Variants in SV2C observed in about 807,000 individuals in gnomAD.
SV2C encodes solute carrier family 22 member B3.
Under a neutral mutation model 79.7 loss-of-function variants are expected in SV2C, and 49 were observed. The ratio of observed to expected loss-of-function variants is 0.61; its 90% CI spans 0.49 to 0.78. The LOEUF (loss-of-function observed/expected upper bound fraction) is 0.78, where lower values mean the gene tolerates loss of function less well. Among genes scored for constraint, SV2C ranks in the 30% least tolerant of loss-of-function variants. The probability of loss-of-function intolerance (pLI) is 0.00; values close to 1 mark genes in which losing one functional copy is unlikely to be tolerated. For missense variants in SV2C, 833 were observed against 912.9 expected (o/e 0.91, Z 1.13); for synonymous variants, 334 against 333.2 (o/e 1.00, Z -0.03).
At chr5:76,042,142 G>T in the SV2C span, among the ~76,000 whole-genome samples, 1 of 152,166 alleles carries the variant, frequency 6.6e-6, no homozygotes, top group South Asian at 2.1e-4. Flanking sequence ...CTACAAGTCA[G>T]TCCCTTGGGT....
chr5:75,920,626 T>C, the SV2C span: 1 of 598,838 alleles, frequency 1.7e-6, no homozygotes, highest in South Asian at 1.9e-5. Context: ...CAGCACTGCA[T>C]AGGGAGTGGG....
the SV2C span, among the ~76,000 whole-genome samples, chr5:76,003,617 A>G: frequency 6.6e-6 from 1 of 152,160 alleles, no homozygotes; most frequent in African/African-American, 2.4e-5. Flanking sequence ...CACCCAAAAC[A>G]CTTTAGGGCT....
At chr5:75,885,596 A>G in the SV2C span, among the ~76,000 whole-genome samples, 1 of 152,228 alleles carries the variant, frequency 6.6e-6, no homozygotes, top group South Asian at 2.1e-4. Context: ...TTTTTAAAAA[A>G]AGTATTCACA....
the SV2C span, among the ~76,000 whole-genome samples, chr5:76,033,998 T>C: frequency 6.6e-6 from 1 of 152,124 alleles, no homozygotes; most frequent in Non-Finnish European, 1.5e-5. Context: ...GTATCTTATT[T>C]TCTTTGAAGC....
At position 76,287,178 on chromosome 5, in the gene SV2C, T is replaced by C. The variant is rs149992020; in HGVS notation, c.1137+1308T>C. Among the ~76,000 whole-genome samples, 635 of 152,332 alleles carry C rather than the reference T, an allele frequency of 4.2e-3. 8 individuals are homozygous for C. Among genetic ancestry groups the C allele is most frequent in the African/African-American group, 0.011 (467 of 41,568 alleles). ...TTCATAGGCCTTATTATAAGGGATA[T>C]TGAACAATATAATGGACATTATTTT... On this transcript the variant is annotated intron_variant, in intron 6 of 12. Coordinates refer to ENST00000502798, the MANE Select transcript of SV2C (RefSeq NM_014979.4).
chr5:75,871,826 TATATATATACACACACACACACAC>T, the SV2C span, among the ~76,000 whole-genome samples: 627 of 138,016 alleles, frequency 4.5e-3, 3 homozygotes, highest in Middle Eastern at 7.2e-3. Context: ...AATATATATA[TATATATATACACACACACACACAC>T]ACACACACGT....
intron 1 of SV2C, among the ~76,000 whole-genome samples, chr5:76,111,066 T>A (rs572194080): frequency 6.6e-6 from 1 of 152,330 alleles, no homozygotes; most frequent in Middle Eastern, 3.4e-3. Flanking sequence ...AAATGTGCAA[T>A]GCAGATGATG....
chr5:75,976,577 A>G, the SV2C span, among the ~76,000 whole-genome samples: 2 of 152,130 alleles, frequency 1.3e-5, no homozygotes, highest in African/African-American at 4.8e-5. Context: ...GAGAGCTTGT[A>G]CAATGAAAAG....
the SV2C span, among the ~76,000 whole-genome samples, chr5:75,917,317 ATTT>A: frequency 6.6e-6 from 1 of 152,316 alleles, no homozygotes; most frequent in South Asian, 2.1e-4. Flanking sequence ...CATGTGTAGC[ATTT>A]TTACCTTCTC....
chr5:76,283,780 T>A (rs749559763), intron 4 of SV2C, among the ~76,000 whole-genome samples: 29 of 152,214 alleles, frequency 1.9e-4, no homozygotes, highest in Non-Finnish European at 2.9e-4. Flanking sequence ...GTCAACAAAT[T>A]CAGCATTTAA....
At chr5:75,897,632 A>G in the SV2C span, among the ~76,000 whole-genome samples, 198 of 150,094 alleles carry the variant, frequency 1.3e-3, no homozygotes, top group African/African-American at 4.7e-3. Context: ...GATGGAGATG[A>G]CATTGAATCT....
At chr5:75,943,725 A>G in the SV2C span, among the ~76,000 whole-genome samples, 1 of 152,164 alleles carries the variant, frequency 6.6e-6, no homozygotes, top group Non-Finnish European at 1.5e-5. Flanking sequence ...AGTGAGGTCT[A>G]GACAGTCTTT....
chr5:76,046,832 C>T, the SV2C span, among the ~76,000 whole-genome samples: 1 of 152,236 alleles, frequency 6.6e-6, no homozygotes, highest in Non-Finnish European at 1.5e-5. Flanking sequence ...GGGGAGGTCG[C>T]AGTATGACTG....
chr5:76,295,592 C>T (rs1031578867), intron 8 of SV2C, among the ~76,000 whole-genome samples, 186 bp from the exon 9 acceptor site: 1 of 152,184 alleles, frequency 6.6e-6, no homozygotes, highest in Non-Finnish European at 1.5e-5. Flanking sequence ...ATCTCTCAAG[C>T]TTGATTTTTG....
At chr5:76,107,295 G>C (rs1328926133) in intron 1 of SV2C, among the ~76,000 whole-genome samples, 3 of 152,164 alleles carry the variant, frequency 2.0e-5, no homozygotes, top group Non-Finnish European at 2.9e-5. Context: ...AGAGTGATGA[G>C]AGCTTGTTGC....
intron 12 of SV2C, among the ~76,000 whole-genome samples, chr5:76,321,427 G>A (rs1269003810): frequency 6.6e-6 from 1 of 152,098 alleles, no homozygotes; most frequent in Non-Finnish European, 1.5e-5. Flanking sequence ...TGTCAGTGGT[G>A]TATGCAGGCT....
chr5:76,226,038 C>T (rs1745227034), intron 4 of SV2C, among the ~76,000 whole-genome samples: 1 of 152,172 alleles, frequency 6.6e-6, no homozygotes, highest in Non-Finnish European at 1.5e-5. Flanking sequence ...CCTGTTTCAG[C>T]TTATGAGTTC....
intron 12 of SV2C, among the ~76,000 whole-genome samples, chr5:76,346,346 G>C (rs1056967002): frequency 6.6e-6 from 1 of 152,078 alleles, no homozygotes; most frequent in Admixed American, 6.6e-5. Context: ...TGTGTTTAAC[G>C]ATGGCTTGCA....
the SV2C span, among the ~76,000 whole-genome samples, chr5:75,993,297 T>G: frequency 6.6e-6 from 1 of 152,202 alleles, no homozygotes; most frequent in African/African-American, 2.4e-5. Context: ...ATTTTTCCAT[T>G]GATTAATAAG....
Sources: gnomAD v4.1 joint callset for allele counts (sites outside exome capture counted in the v4.1 genomes callset) on GRCh38, gnomAD v4.1.1 for gene constraint, MANE v1.5 for transcripts, NCBI Gene and HGNC (gene_info 2026-07-23, HGNC 2026-07-21) for gene names.